The following NFKBID variants were observed in gnomAD, a reference collection of about 807,000 sequenced individuals.
NFKBID encodes NF-kappa-B inhibitor delta.
NFKBID carries 26 observed loss-of-function variants against 53.4 expected under a neutral mutation model. The observed-to-expected ratio is 0.49, with a 90% CI of 0.36 to 0.68. The LOEUF is 0.68. Among genes scored for constraint, NFKBID ranks in the 30% least tolerant of loss-of-function variants. The probability of loss-of-function intolerance (pLI) is 0.00; values close to 1 mark genes in which losing one functional copy is unlikely to be tolerated. For synonymous variants in NFKBID, 262 were observed against 259.8 expected (o/e 1.01, Z -0.08); for missense variants, 493 against 614.1 (o/e 0.80, Z 2.08).
upstream of NFKBID, chr19:35,902,153 C>G: frequency 1.4e-6 from 1 of 702,892 alleles, no homozygotes; most frequent in Non-Finnish European, 2.6e-6. Flanking sequence ...ACCCTGTATG[C>G]CCAAACCTCG....
intron 9 of NFKBID, among the ~76,000 whole-genome samples, chr19:35,892,035 T>C (rs1052283527): frequency 5.3e-5 from 8 of 150,254 alleles, no homozygotes; most frequent in African/African-American, 2.0e-4. Flanking sequence ...GGGAAAGAGT[T>C]CTTATCTTTT....
intron 9 of NFKBID, 198 bp from the exon 10 acceptor site, chr19:35,890,688 A>G (rs527320960): frequency 5.9e-5 from 38 of 641,140 alleles, no homozygotes; most frequent in South Asian, 5.8e-4. Flanking sequence ...ACACAGCAAG[A>G]CCTCATCTCT....
upstream of NFKBID, chr19:35,900,705 G>C (rs540282220): frequency 2.0e-5 from 23 of 1,144,166 alleles, no homozygotes; most frequent in Non-Finnish European, 2.5e-5. Flanking sequence ...CAGTCCCCCC[G>C]GGAAGGAGGG....
downstream of NFKBID, chr19:35,888,117 G>A (rs539125958): frequency 3.1e-4 from 51 of 162,490 alleles, no homozygotes; most frequent in Middle Eastern, 3.2e-3. Context: ...GTCTCAGGGT[G>A]AGGACCTGAA....
upstream of NFKBID, chr19:35,900,787 G>A: frequency 2.4e-6 from 1 of 417,058 alleles, no homozygotes; most frequent in Non-Finnish European, 4.1e-6. Flanking sequence ...AAACCGGGGG[G>A]CCTGGATTTC....
rs562094700 is a variant in NFKBID at position 35,893,866 on chromosome 19, G to A, written c.1032+2114C>T. Among the ~76,000 whole-genome samples the A allele has an allele frequency of 2.3e-4, 35 of 151,930 alleles. 1 individual carries two copies. In the East Asian group the frequency reaches 6.8e-3, roughly 30 times the overall value. On this transcript the variant is annotated intron_variant, in intron 9 of 11. Coordinates refer to ENST00000641389, the Ensembl canonical transcript of NFKBID. ...GAAAGTGAGAGAGTGGATGGGGCAG[G>A]ACTGGCCATGAGTGGCTGGTTATTG...
chr19:35,889,862 T>C (rs1316826759), intron 11 of NFKBID, 28 bp downstream of exon 11: 1 of 1,577,650 alleles, frequency 6.3e-7, no homozygotes, highest in Non-Finnish European at 8.6e-7. Context: ...CAGAGGCCAC[T>C]CTACAGGCAG....
At chr19:35,890,722 G>A (rs755414241) in intron 9 of NFKBID, 10 of 540,534 alleles carry the variant, frequency 1.9e-5, no homozygotes, top group South Asian at 1.7e-4. Context: ...AAATTAGCCA[G>A]GCGTGGTGGT....
chr19:35,894,759 C>T (rs1019278769), intron 9 of NFKBID, among the ~76,000 whole-genome samples: 1 of 151,926 alleles, frequency 6.6e-6, no homozygotes, highest in Non-Finnish European at 1.5e-5. Flanking sequence ...TTTGGGAAGC[C>T]GAGGCAGGAA....
exon 12 of NFKBID, chr19:35,888,299 G>C: frequency 2.0e-6 from 1 of 502,258 alleles, no homozygotes; most frequent in Non-Finnish European, 3.6e-6. Flanking sequence ...AGGGGTGCAG[G>C]GTGTTTCACA....
At chr19:35,900,826 T>C (rs1261346145), upstream of NFKBID, among the ~76,000 whole-genome samples, 15 of 134,944 alleles carry the variant, frequency 1.1e-4, no homozygotes, top group African/African-American at 4.1e-4. Context: ...TTTTTTCTTT[T>C]CTTTTTTTTT....
chr19:35,895,938 C>T, intron 9 of NFKBID, 42 bp downstream of exon 9: 1 of 1,583,118 alleles, frequency 6.3e-7, no homozygotes, highest in Non-Finnish European at 8.6e-7. Flanking sequence ...GGCCCCATTC[C>T]ACACAATCTC....
At chr19:35,889,631 G>A (rs1258554296) in intron 11 of NFKBID, among the ~76,000 whole-genome samples, 1 of 152,128 alleles carries the variant, frequency 6.6e-6, no homozygotes, top group Non-Finnish European at 1.5e-5. Flanking sequence ...TTGAGGTCAA[G>A]CAAGATTCAG....
At chr19:35,893,478 C>A (rs545112032) in intron 9 of NFKBID, among the ~76,000 whole-genome samples, 31 of 152,272 alleles carry the variant, frequency 2.0e-4, no homozygotes, top group African/African-American at 7.0e-4. Context: ...TTTAAAGATA[C>A]ACAAATATTT....
At chr19:35,897,732 A>C in exon 4 of NFKBID, 1 of 1,613,286 alleles carries the variant, frequency 6.2e-7, no homozygotes, top group Middle Eastern at 1.7e-4. Context: ...TTTCGGCAGC[A>C]GAAGCAGGGC....
chr19:35,900,314 C>T (rs1975490447), intron 1 of NFKBID, 128 bp downstream of exon 1: 1 of 722,352 alleles, frequency 1.4e-6, no homozygotes, highest in South Asian at 7.0e-5. Context: ...CCTCCAAACA[C>T]CTAGGGCCCT....
At chr19:35,888,098 G>A (rs78171290), downstream of NFKBID, 388 of 157,978 alleles carry the variant, frequency 2.5e-3, 1 homozygote, top group Middle Eastern at 9.8e-3. Flanking sequence ...ATCTCAGAGG[G>A]TCCCTCCTGT....
At chr19:35,888,480 G>T in exon 12 of NFKBID, 1 of 1,012,692 alleles carries the variant, frequency 9.9e-7, no homozygotes, top group Non-Finnish European at 1.5e-6. Flanking sequence ...ATTATCATGG[G>T]TTTGCAACAT....
In NFKBID at chr19:35,895,961, C is replaced by T. The variant is rs767327419; in HGVS notation, c.1032+19G>A. ...TCCACACAATCTCCCAGGGTCTGAC[C>T]GCCCACATCCCCGCTCACCTGGCTG... On this transcript the variant is annotated intron_variant, in intron 9 of 11. Coordinates refer to ENST00000641389, the Ensembl canonical transcript of NFKBID. The T allele has an allele frequency of 6.9e-6, 11 of 1,604,854 alleles. No homozygotes were observed. The highest frequency in any genetic ancestry group is 2.2e-5 in the South Asian group (2 of 90,098).
Sources: allele counts gnomAD v4.1 joint callset (sites outside exome capture counted in the v4.1 genomes callset), GRCh38; gene constraint gnomAD v4.1.1; transcripts MANE v1.5; gene names NCBI Gene and HGNC (gene_info 2026-07-23, HGNC 2026-07-21).